Variants in CACNA2D3 observed in about 807,000 individuals in gnomAD.
The protein encoded by CACNA2D3 is calcium voltage-gated channel auxiliary subunit alpha2delta 3, also known as voltage-dependent calcium channel subunit alpha-2/delta-3.
CACNA2D3 carries 60 observed loss-of-function variants against 160.6 expected under a neutral mutation model. The ratio of observed to expected loss-of-function variants is 0.37; its 90% CI spans 0.30 to 0.46. CACNA2D3 has a LOEUF of 0.46. Ranked by LOEUF, CACNA2D3 falls within the 20% of genes least tolerant of loss-of-function variation. The probability of loss-of-function intolerance (pLI) is 1.00; values close to 1 mark genes in which losing one functional copy is unlikely to be tolerated. For synonymous variants in CACNA2D3, 558 were observed against 492.9 expected, an observed-to-expected ratio of 1.13 and a Z score of -1.75; for missense variants, 1,205 against 1,365.0, an observed-to-expected ratio of 0.88 and a Z score of 1.85.
chr3:54,909,002 T>A (rs2141034), intron 27 of CACNA2D3, among the ~76,000 whole-genome samples: 16,784 of 152,294 alleles, frequency 0.11, 942 homozygotes, highest in Middle Eastern at 0.16. Flanking sequence ...TTCACTCACC[T>A]ATTTAAACAT....
intron 11 of CACNA2D3, among the ~76,000 whole-genome samples, chr3:54,733,257 T>C (rs1208659583): frequency 3.0e-4 from 46 of 152,342 alleles, no homozygotes; most frequent in Admixed American, 2.8e-3. Flanking sequence ...GCGGATTTTA[T>C]TTAGCAGCTG....
At chr3:54,396,456 C>T (rs1310387823) in intron 4 of CACNA2D3, among the ~76,000 whole-genome samples, 1 of 172 alleles carries the variant, frequency 5.8e-3, no homozygotes. Context: ...GTGGGTTTGT[C>T]ATAGATAGCT....
At chr3:54,953,749 C>A (rs1206948624) in intron 27 of CACNA2D3, among the ~76,000 whole-genome samples, 1 of 152,162 alleles carries the variant, frequency 6.6e-6, no homozygotes, top group Admixed American at 6.5e-5. Flanking sequence ...CCTGCCTCTG[C>A]TAGCTTGACA....
At chr3:54,476,349 A>C (rs141175057) in intron 4 of CACNA2D3, among the ~76,000 whole-genome samples, 121 of 151,886 alleles carry the variant, frequency 8.0e-4, no homozygotes, top group Non-Finnish European at 1.4e-3. Flanking sequence ...GGCCACTGTG[A>C]ATAATGCTGC....
chr3:54,754,836 T>C (rs1290948090), intron 12 of CACNA2D3, among the ~76,000 whole-genome samples: 1 of 152,084 alleles, frequency 6.6e-6, no homozygotes, highest in African/African-American at 2.4e-5. Context: ...ACAAAGTTGT[T>C]TTAGGTGCAA....
intron 29 of CACNA2D3, 107 bp downstream of exon 29, chr3:54,969,951 G>T: frequency 3.7e-6 from 3 of 808,664 alleles, no homozygotes; most frequent in South Asian, 3.9e-5. Flanking sequence ...TTGACGCATT[G>T]TACTGGGCCA....
At chr3:54,317,861 C>A (rs147722570) in intron 2 of CACNA2D3, among the ~76,000 whole-genome samples, 1 of 152,120 alleles carries the variant, frequency 6.6e-6, no homozygotes, top group Non-Finnish European at 1.5e-5. Context: ...TTATAACACA[C>A]GCAGTTTCTC....
At position 54,499,464 on chromosome 3, in the gene CACNA2D3, CTCT is replaced by C. The variant is rs778568897; in HGVS notation, c.382-4023_382-4021del. The stretch of plus-strand genomic sequence containing the variant: ...TTCTGCTTACTTTAGATTTAATATG[CTCT>C]TCTTTTTCTAGTTTTCTAAAGTAGA... On this transcript the variant is annotated intron_variant, in intron 4 of 37. Coordinates refer to ENST00000474759, the MANE Select transcript of CACNA2D3 (RefSeq NM_018398.3). Among the ~76,000 whole-genome samples, 3 of 152,038 alleles carry C rather than the reference CTCT, an allele frequency of 2.0e-5. No homozygotes were observed. The East Asian group carries it at 5.8e-4, about 29-fold the overall frequency.
At chr3:54,925,249 C>T in intron 27 of CACNA2D3, 1 of 1,564,802 alleles carries the variant, frequency 6.4e-7, no homozygotes, top group Non-Finnish European at 8.8e-7. Flanking sequence ...GGATAGGAAC[C>T]AGTTTGTGAG....
intron 35 of CACNA2D3, among the ~76,000 whole-genome samples, chr3:55,030,539 T>C (rs1703665358): frequency 6.6e-6 from 1 of 152,126 alleles, no homozygotes; most frequent in South Asian, 2.1e-4. Context: ...GAGGAAGAGG[T>C]AAATGCTTAT....
intron 14 of CACNA2D3, among the ~76,000 whole-genome samples, chr3:54,819,414 C>T (rs1703534724): frequency 6.6e-6 from 1 of 152,144 alleles, no homozygotes; most frequent in Non-Finnish European, 1.5e-5. Context: ...CTTCATAGCA[C>T]ATCAAGAGAG....
intron 27 of CACNA2D3, among the ~76,000 whole-genome samples, chr3:54,911,393 G>GT (rs1432447937): frequency 8.3e-6 from 1 of 119,906 alleles, no homozygotes; most frequent in Non-Finnish European, 1.6e-5. Flanking sequence ...GGGGTCACAC[G>GT]TTTTTCCCCA....
In CACNA2D3 at chr3:54,736,039, ATATATACACATACATATGTATG is replaced by A. The variant is rs1559563547; in HGVS notation, c.1168-16553_1168-16532del. Among the ~76,000 whole-genome samples, 214 of 51,016 alleles carry A rather than the reference ATATATACACATACATATGTATG, an allele frequency of 4.2e-3. 19 individuals are homozygous for A. The highest frequency in any genetic ancestry group is 6.5e-3 in the Non-Finnish European group (152 of 23,290). The allele number at this position is 51,016 out of a possible 152,430, so 33.5% of individuals were successfully genotyped here. A position where few individuals can be genotyped will look rare whatever the true frequency, so the allele number is the denominator to read the frequency against. On this transcript the variant is annotated intron_variant, in intron 11 of 37. Coordinates refer to ENST00000474759, the MANE Select transcript of CACNA2D3 (RefSeq NM_018398.3). ...TATACACATACATATATATATGTAT[ATATATACACATACATATGTATG>A]TATATATATATACATATATATGTAT...
chr3:54,865,693 C>T (rs1484675516), intron 17 of CACNA2D3, among the ~76,000 whole-genome samples: 1 of 152,188 alleles, frequency 6.6e-6, no homozygotes, highest in African/African-American at 2.4e-5. Flanking sequence ...CTCCCTTTGC[C>T]TGTGAAGGAA....
chr3:55,073,933 T>A, intron 37 of CACNA2D3, 74 bp downstream of exon 37: 1 of 1,301,340 alleles, frequency 7.7e-7, no homozygotes, highest in Non-Finnish European at 1.1e-6. Flanking sequence ...GTCAAAGAAC[T>A]ACAGCTGAAA....
intron 2 of CACNA2D3, among the ~76,000 whole-genome samples, chr3:54,271,780 C>G (rs181151127): frequency 1.3e-5 from 2 of 152,206 alleles, no homozygotes; most frequent in Non-Finnish European, 2.9e-5. Flanking sequence ...CCTCTGGTGC[C>G]CTGCTGTCAC....
At chr3:54,147,901 G>A (rs552612932) in intron 2 of CACNA2D3, among the ~76,000 whole-genome samples, 12 of 152,344 alleles carry the variant, frequency 7.9e-5, no homozygotes, top group Non-Finnish European at 1.5e-5. Flanking sequence ...CCGCCTCCTG[G>A]GTTCAAGCAA....
In CACNA2D3 at chr3:54,693,803, A is replaced by G. The variant is rs528633272; in HGVS notation, c.1167+51562A>G. On this transcript the variant is annotated intron_variant, in intron 11 of 37. Coordinates refer to ENST00000474759, the MANE Select transcript of CACNA2D3 (RefSeq NM_018398.3). The stretch of plus-strand genomic sequence containing the variant: ...AAAAGTTTAAAAAGTAAAATAAAAA[A>G]ATTAAAAATTTTAAAAGTAGAAAAA... Among the ~76,000 whole-genome samples the G allele has an allele frequency of 9.8e-5, 15 of 152,320 alleles. No individual in the cohort carries two copies. The South Asian group carries it at 2.9e-3, about 29-fold the overall frequency.
At chr3:54,571,283 T>C (rs1257222660) in intron 8 of CACNA2D3, among the ~76,000 whole-genome samples, 1 of 152,080 alleles carries the variant, frequency 6.6e-6, no homozygotes, top group Non-Finnish European at 1.5e-5. Flanking sequence ...TTGTAAAATA[T>C]TTCTTATCAG....
Sources: allele counts gnomAD v4.1 joint callset (sites outside exome capture counted in the v4.1 genomes callset), GRCh38; gene constraint gnomAD v4.1.1; transcripts MANE v1.5; gene names NCBI Gene and HGNC (gene_info 2026-07-23, HGNC 2026-07-21).